The following PPP1CB variants were observed in gnomAD, a reference collection of about 807,000 sequenced individuals.
The protein encoded by PPP1CB is serine/threonine-protein phosphatase PP1-beta catalytic subunit.
PPP1CB carries 2 observed loss-of-function variants against 43.7 expected under a neutral mutation model. The ratio of observed to expected loss-of-function variants is 0.05; its 90% CI spans 0.02 to 0.14. The LOEUF is 0.14. Among genes scored for constraint, PPP1CB ranks in the 10% least tolerant of loss-of-function variants. The pLI, the probability that PPP1CB is intolerant of heterozygous loss-of-function variation, is 1.00. For synonymous variants in PPP1CB, 136 were observed against 135.6 expected, an observed-to-expected ratio of 1.00 and a Z score of -0.02; for missense variants, 84 against 398.0, an observed-to-expected ratio of 0.21 and a Z score of 6.71.
chr2:28,782,030 C>G, intron 4 of PPP1CB, 188 bp downstream of exon 4: 1 of 632,462 alleles, frequency 1.6e-6, no homozygotes, highest in South Asian at 1.8e-5. Context: ...AAACGTAATG[C>G]TTCTTTAAAT....
chr2:28,793,017 C>T (rs1203744966), intron 6 of PPP1CB, among the ~76,000 whole-genome samples: 1 of 152,126 alleles, frequency 6.6e-6, no homozygotes, highest in African/African-American at 2.4e-5. Context: ...ATCAGCCTGG[C>T]CAACATGACA....
intron 1 of PPP1CB, among the ~76,000 whole-genome samples, chr2:28,772,433 T>C (rs981508826): frequency 2.0e-5 from 3 of 152,210 alleles, no homozygotes; most frequent in Non-Finnish European, 2.9e-5. Context: ...AGTAAAGATA[T>C]GGACCAACAG....
intron 1 of PPP1CB, among the ~76,000 whole-genome samples, chr2:28,771,055 C>CCCCCCTT (rs1558302176): frequency 3.4e-5 from 2 of 59,600 alleles, no homozygotes; most frequent in East Asian, 4.6e-4. Context: ...CCCCCCCACC[C>CCCCCCTT]TTTTTTTTTT....
In PPP1CB at chr2:28,776,879, G is replaced by A; in HGVS notation, c.81G>A (p.Val27=). The A allele has an allele frequency of 1.2e-6, 2 of 1,612,960 alleles. No homozygotes were observed. Among genetic ancestry groups the A allele is most frequent in the South Asian group, 2.2e-5 (2 of 91,008 alleles). ...GAGGATGTCGTCCAGGAAAGATTGT[G>A]CAGATGACTGAAGCAGAAGTTCGAG... ...EVRGCRPGKI[V]QMTEAEVRGL... The change falls in exon 2 of 8, where the codon GTG becomes GTA. Residue 27 remains valine, a synonymous_variant. Transcript: ENST00000395366.
intron 1 of PPP1CB, among the ~76,000 whole-genome samples, chr2:28,755,450 A>G (rs957261406): frequency 2.0e-5 from 3 of 152,320 alleles, no homozygotes; most frequent in South Asian, 4.1e-4. Context: ...TTCTTTCGGT[A>G]TGTTTTCTTG....
At chr2:28,778,401 C>T (rs999863576) in intron 2 of PPP1CB, 1 of 472,354 alleles carries the variant, frequency 2.1e-6, no homozygotes, top group East Asian at 6.9e-5. Flanking sequence ...TCTCACAAGG[C>T]TCCAATTAAG....
At chr2:28,779,498 T>C (rs1667104657) in intron 3 of PPP1CB, among the ~76,000 whole-genome samples, 1 of 152,212 alleles carries the variant, frequency 6.6e-6, no homozygotes, top group African/African-American at 2.4e-5. Flanking sequence ...CCTTGAAAGA[T>C]AAAGATACTG....
chr2:28,794,692 A>C (rs150895866), intron 7 of PPP1CB, among the ~76,000 whole-genome samples: 2,312 of 151,034 alleles, frequency 0.015, 44 homozygotes, highest in African/African-American at 0.045. Flanking sequence ...CTTGGCCCCC[A>C]AAAAAAAATA....
intron 1 of PPP1CB, among the ~76,000 whole-genome samples, chr2:28,771,055 C>CCCCCTT (rs1558302176): frequency 6.7e-5 from 4 of 59,594 alleles, no homozygotes; most frequent in Non-Finnish European, 6.4e-5. Context: ...CCCCCCCACC[C>CCCCCTT]TTTTTTTTTT....
intron 2 of PPP1CB, among the ~76,000 whole-genome samples, chr2:28,777,622 C>G (rs183171509): frequency 2.9e-4 from 44 of 152,214 alleles, no homozygotes; most frequent in African/African-American, 1.1e-3. Context: ...ATAAGAGATA[C>G]TCGCTAAGTA....
intron 1 of PPP1CB, among the ~76,000 whole-genome samples, chr2:28,768,148 A>G (rs1469713460): frequency 6.6e-6 from 1 of 152,192 alleles, no homozygotes; most frequent in Non-Finnish European, 1.5e-5. Context: ...CAGCCAACAC[A>G]GAAAATTGTT....
intron 1 of PPP1CB, among the ~76,000 whole-genome samples, chr2:28,763,515 T>G (rs1210774278): frequency 1.3e-5 from 2 of 152,186 alleles, no homozygotes; most frequent in African/African-American, 4.8e-5. Flanking sequence ...ACTTTTCTTC[T>G]TCACTCTTTT....
chr2:28,797,912 CTG>C (rs749082461), intron 7 of PPP1CB, among the ~76,000 whole-genome samples: 9 of 152,140 alleles, frequency 5.9e-5, no homozygotes, highest in Non-Finnish European at 8.8e-5. Context: ...TGTACACACA[CTG>C]TATTTCTCTT....
At chr2:28,794,480 G>C (rs1379949519) in intron 7 of PPP1CB, among the ~76,000 whole-genome samples, 1 of 152,054 alleles carries the variant, frequency 6.6e-6, no homozygotes, top group East Asian at 1.9e-4. Flanking sequence ...CATGAGGTCA[G>C]GTGATCAAGA....
Position 28,752,166 on chromosome 2 carries a change from G to T in PPP1CB, c.42G>T (p.Arg14=), listed in dbSNP as rs1192574840. ...GELNVDSLIT[R]LLEVRGCRPG... Reference sequence around the variant, plus strand: ...TGAACGTGGACAGCCTCATCACCCGGCTGCTGGAGGGTGAGTGCGCGCCTG... The same window carrying T: ...TGAACGTGGACAGCCTCATCACCCGTCTGCTGGAGGGTGAGTGCGCGCCTG... Residue 14 remains arginine, a synonymous_variant, in exon 1 of 8, where the codon CGG becomes CGT. Transcript: ENST00000395366. 1.9e-6 allele frequency: 3 copies of T among 1,547,564 alleles called. No homozygotes were observed. In the African/African-American group the frequency reaches 4.1e-5, roughly 21 times the overall value.
intron 1 of PPP1CB, among the ~76,000 whole-genome samples, chr2:28,761,742 T>C (rs1310973223): frequency 6.6e-6 from 1 of 152,204 alleles, no homozygotes; most frequent in Non-Finnish European, 1.5e-5. Flanking sequence ...TATAATCTGG[T>C]TTGACATATC....
intron 1 of PPP1CB, among the ~76,000 whole-genome samples, chr2:28,761,831 C>T (rs76494637): frequency 0.023 from 3,496 of 152,190 alleles, 152 homozygotes; most frequent in African/African-American, 0.081. Context: ...TGTATGCTTG[C>T]TTTTGGCCAG....
chr2:28,798,177 T>C (rs1391446999), intron 7 of PPP1CB, among the ~76,000 whole-genome samples: 2 of 152,118 alleles, frequency 1.3e-5, no homozygotes, highest in Admixed American at 6.5e-5. Context: ...TTTTGGAAAA[T>C]CATGACTTTT....
intron 1 of PPP1CB, among the ~76,000 whole-genome samples, chr2:28,771,044 C>A (rs1666899029): frequency 1.1e-5 from 1 of 88,474 alleles, no homozygotes; most frequent in Non-Finnish European, 2.2e-5. Context: ...CCCTGCTCCC[C>A]CCCCCCCACC....
Sources: allele counts gnomAD v4.1 joint callset (sites outside exome capture counted in the v4.1 genomes callset), GRCh38; gene constraint gnomAD v4.1.1; transcripts MANE v1.5; gene names NCBI Gene and HGNC (gene_info 2026-07-23, HGNC 2026-07-21).